GRIN3A: variants seen among roughly 807,000 people sequenced by gnomAD.
GRIN3A encodes the protein glutamate ionotropic receptor NMDA type subunit 3A, also known as glutamate receptor ionotropic, NMDA 3A.
Under a neutral mutation model 92.4 loss-of-function variants are expected in GRIN3A, and 47 were observed. The observed-to-expected ratio is 0.51, with a 90% confidence interval of 0.40 to 0.65. The LOEUF is 0.65. GRIN3A is among the 30% of genes least tolerant of loss of function. The pLI is 0.00. For synonymous variants in GRIN3A, 527 were observed against 540.6 expected (o/e 0.97, Z 0.35); for missense variants, 1,324 against 1,393.1 (o/e 0.95, Z 0.79).
At chr9:101,717,371 T>C (rs1829960828) in intron 1 of GRIN3A, among the ~76,000 whole-genome samples, 1 of 152,208 alleles carries the variant, frequency 6.6e-6, no homozygotes, top group Non-Finnish European at 1.5e-5. Flanking sequence ...TTTAAATAGA[T>C]TTCTGTGCTC....
intron 3 of GRIN3A, among the ~76,000 whole-genome samples, chr9:101,650,147 T>A (rs559740125): frequency 6.6e-6 from 1 of 152,034 alleles, no homozygotes; most frequent in Non-Finnish European, 1.5e-5. Context: ...CCAACAACCA[T>A]AGCATATCAG....
At chr9:101,649,146 T>C (rs1325110890) in intron 3 of GRIN3A, among the ~76,000 whole-genome samples, 1 of 152,062 alleles carries the variant, frequency 6.6e-6, no homozygotes, top group Non-Finnish European at 1.5e-5. Context: ...TGCCATTGTT[T>C]CACAGTCCGG....
At chr9:101,682,951 C>T (rs551968774) in intron 2 of GRIN3A, among the ~76,000 whole-genome samples, 122 of 152,376 alleles carry the variant, frequency 8.0e-4, no homozygotes, top group African/African-American at 2.9e-3. Flanking sequence ...CACCGCACTC[C>T]AGCCTGGGCG....
intron 6 of GRIN3A, among the ~76,000 whole-genome samples, chr9:101,598,234 G>A (rs749932593): frequency 1.6e-4 from 25 of 151,932 alleles, no homozygotes; most frequent in Non-Finnish European, 3.5e-4. Flanking sequence ...TACACTTTTT[G>A]TACTGTATTT....
chr9:101,592,865 A>C (rs1828051927), intron 6 of GRIN3A: 1 of 151,756 alleles, frequency 6.6e-6, no homozygotes, highest in African/African-American at 2.4e-5. Context: ...AAGTTACCTG[A>C]GTGGTATCTC....
chr9:101,573,756 A>AGGATGGGGT (rs1827791950), intron 8 of GRIN3A, among the ~76,000 whole-genome samples: 1 of 144,422 alleles, frequency 6.9e-6, no homozygotes, highest in African/African-American at 2.5e-5. Flanking sequence ...AAGGGATGAT[A>AGGATGGGGT]GGATGGGGTA....
intron 6 of GRIN3A, among the ~76,000 whole-genome samples, chr9:101,580,930 T>G (rs547407015): frequency 6.9e-4 from 105 of 152,338 alleles, no homozygotes; most frequent in African/African-American, 2.2e-3. Flanking sequence ...GCTAAGTGAT[T>G]TGTGTAGATT....
chr9:101,595,263 T>G (rs934573106), intron 6 of GRIN3A, among the ~76,000 whole-genome samples: 1 of 151,898 alleles, frequency 6.6e-6, no homozygotes, highest in African/African-American at 2.4e-5. Flanking sequence ...CTCAAACTCC[T>G]TGTACCTTTC....
chr9:101,636,791 T>A (rs1828790251), intron 3 of GRIN3A, among the ~76,000 whole-genome samples: 1 of 152,202 alleles, frequency 6.6e-6, no homozygotes, highest in Non-Finnish European at 1.5e-5. Context: ...AATATGCTTA[T>A]CACAGTTATA....
chr9:101,686,778 G>A lies in GRIN3A; in HGVS notation c.1122C>T (p.Leu374=), dbSNP rs1277439914. ...ACTGTGTTGTTTTTCCATGAGCAAT[G>A]AGCCCTAAGGGCAGACCCTCTGTCC... ...ELRTEGLPLG[L]IAHGKTTQSV... is the part of the protein sequence containing the mutation. The change falls in exon 2 of 9, where the codon CTC becomes CTT. Residue 374 remains leucine (L), a synonymous_variant. Coordinates refer to ENST00000361820, the MANE Select transcript of GRIN3A (RefSeq NM_133445.3). 6.2e-7 allele frequency: 1 copy of A among 1,614,122 alleles called. No homozygotes were observed. The highest frequency in any genetic ancestry group is 2.2e-5 in the East Asian group (1 of 44,876).
At chr9:101,645,272 C>T (rs1458958359) in intron 3 of GRIN3A, among the ~76,000 whole-genome samples, 1 of 151,720 alleles carries the variant, frequency 6.6e-6, no homozygotes, top group African/African-American at 2.4e-5. Flanking sequence ...CTGTGCTTGG[C>T]TTATTTTACT....
rs917130012 is a variant in GRIN3A at position 101,583,274 on chromosome 9, G to A, written c.2767-3914C>T. ...TTTTCTAGTTGAATCTTCACTATTCGCTATAACAACTATCACAATTTTTTA... is the reference window on the plus strand; with the variant it reads ...TTTTCTAGTTGAATCTTCACTATTCACTATAACAACTATCACAATTTTTTA... On this transcript the variant is annotated intron_variant, in intron 6 of 8. Coordinates refer to ENST00000361820, the MANE Select transcript of GRIN3A (RefSeq NM_133445.3). 3.3e-5 allele frequency among the ~76,000 whole-genome samples: 5 copies of A among 152,162 alleles called. No homozygotes were observed. The South Asian group carries it at 8.3e-4, about 25-fold the overall frequency.
At position 101,613,894 on chromosome 9, in the gene GRIN3A, C is replaced by T. The variant is rs186939413; in HGVS notation, c.2615-367G>A. On this transcript the variant is annotated intron_variant, in intron 5 of 8. Transcript: ENST00000361820. The stretch of plus-strand genomic sequence containing the variant: ...ACCCCTCTTCTGAACCTTAAATATA[C>T]AAAATCAGATTAATCTTAGTCTGTG... Among the ~76,000 whole-genome samples the T allele has an allele frequency of 1.3e-3, 205 of 152,268 alleles. 2 individuals carry two copies. Among genetic ancestry groups the T allele is most frequent in the Middle Eastern group, 3.4e-3 (1 of 294 alleles).
chr9:101,690,691 T>C (rs1458824855), intron 1 of GRIN3A, among the ~76,000 whole-genome samples: 2 of 152,048 alleles, frequency 1.3e-5, no homozygotes, highest in Admixed American at 1.3e-4. Context: ...TGATAGGCCT[T>C]GCTTTGGAGG....
At chr9:101,589,083 G>C (rs967179896) in intron 6 of GRIN3A, among the ~76,000 whole-genome samples, 3 of 151,952 alleles carry the variant, frequency 2.0e-5, no homozygotes, top group African/African-American at 7.3e-5. Flanking sequence ...TGATTCTCCT[G>C]TTTCTGCCTC....
intron 6 of GRIN3A, among the ~76,000 whole-genome samples, chr9:101,580,100 CTT>C (rs1371082048): frequency 6.6e-6 from 1 of 152,188 alleles, no homozygotes; most frequent in Non-Finnish European, 1.5e-5. Context: ...GCATGTATCT[CTT>C]TTCATAAATA....
At chr9:101,616,042 T>C (rs1564127056) in intron 5 of GRIN3A, among the ~76,000 whole-genome samples, 1 of 152,186 alleles carries the variant, frequency 6.6e-6, no homozygotes, top group African/African-American at 2.4e-5. Flanking sequence ...AGAGTATACA[T>C]TCCATTACAG....
At chr9:101,735,268 C>G (rs1198159857) in intron 1 of GRIN3A, among the ~76,000 whole-genome samples, 1 of 152,026 alleles carries the variant, frequency 6.6e-6, no homozygotes, top group Non-Finnish European at 1.5e-5. Context: ...CTCTCCCTTT[C>G]AAGATGTGTG....
In GRIN3A at chr9:101,670,970, A is replaced by C; in HGVS notation, c.1442T>G (p.Leu481Trp). 1 of 1,614,064 alleles carries C rather than the reference A, an allele frequency of 6.2e-7. No homozygotes were observed. Among genetic ancestry groups the C allele is most frequent in the African/African-American group, 1.3e-5 (1 of 75,042 alleles). ...DPMGKPMWTRLGSWQGGKIVM... is the reference protein window; with the variant it reads ...DPMGKPMWTRWGSWQGGKIVM... ...AATCTTTCCCCCCTGCCAGCTGCCC[A>C]AGCGGGTCCACATTGGCTTTCCCAT... The change falls in exon 3 of 9, where the codon TTG (leucine) becomes TGG (tryptophan). Residue 481 changes from leucine (L) to tryptophan (W), a missense_variant. By Grantham distance (61) the Leu-to-Trp change is moderately conservative (BLOSUM62 -2). Coordinates refer to ENST00000361820, the MANE Select transcript of GRIN3A (RefSeq NM_133445.3).
Sources: gnomAD v4.1 joint callset for allele counts (sites outside exome capture counted in the v4.1 genomes callset) on GRCh38, gnomAD v4.1.1 for gene constraint, MANE v1.5 for transcripts, NCBI Gene and HGNC (gene_info 2026-07-23, HGNC 2026-07-21) for gene names.